The following UBE2W variants were observed in gnomAD, a reference collection of about 807,000 sequenced individuals.
The protein encoded by UBE2W is ubiquitin-conjugating enzyme E2 W.
Under a neutral mutation model 27.2 loss-of-function variants are expected in UBE2W, and 18 were observed. The ratio of observed to expected loss-of-function variants is 0.66; its 90% confidence interval spans 0.46 to 0.98. The LOEUF is 0.98. UBE2W is among the 50% of genes least tolerant of loss of function. The pLI is 0.00. For missense variants in UBE2W, 90 were observed against 180.2 expected (o/e 0.50, Z 2.87); for synonymous variants, 53 against 57.2 (o/e 0.93, Z 0.33).
intron 5 of UBE2W, among the ~76,000 whole-genome samples, chr8:73,801,719 A>C (rs1808653651): frequency 6.6e-6 from 1 of 152,214 alleles, no homozygotes; most frequent in Non-Finnish European, 1.5e-5. Flanking sequence ...AGGCATGAAG[A>C]AGCGGCTTAG....
chr8:73,875,844 G>A (rs1414882182), intron 1 of UBE2W, among the ~76,000 whole-genome samples: 3 of 152,106 alleles, frequency 2.0e-5, no homozygotes, highest in African/African-American at 7.2e-5. Context: ...GAGGTCAGGA[G>A]TTCAAGACCA....
At chr8:73,807,807 T>C (rs908842742) in intron 4 of UBE2W, among the ~76,000 whole-genome samples, 2 of 152,206 alleles carry the variant, frequency 1.3e-5, no homozygotes, top group Non-Finnish European at 2.9e-5. Context: ...GCTTAAATCA[T>C]TTATCTCCCT....
downstream of UBE2W, among the ~76,000 whole-genome samples, chr8:73,784,166 C>A (rs189627097): frequency 1.6e-3 from 237 of 152,274 alleles, no homozygotes; most frequent in Non-Finnish European, 2.7e-3. Flanking sequence ...CCCACCTTTA[C>A]CTGGCAAATA....
rs1811779371 is a variant in UBE2W, at chr8:73,866,473, A to G, written c.15+12335T>C. On this transcript the variant is annotated intron_variant, in intron 1 of 5. Coordinates refer to ENST00000602593, the MANE Select transcript of UBE2W (RefSeq NM_018299.6). ...ATGGACTCTCAGCTTGGTCCTATACAACTTCAAATGGAAAACAAGCTGCCA... is the reference window on the plus strand; with the variant it reads ...ATGGACTCTCAGCTTGGTCCTATACGACTTCAAATGGAAAACAAGCTGCCA... Among the ~76,000 whole-genome samples, 3 of 151,178 alleles carry G rather than the reference A, an allele frequency of 2.0e-5. No individual in the cohort carries two copies. In the South Asian group the frequency reaches 6.2e-4, roughly 31 times the overall value.
intron 1 of UBE2W, chr8:73,831,211 TG>T (rs1354973807): frequency 4.6e-6 from 2 of 432,022 alleles, no homozygotes; most frequent in African/African-American, 2.2e-5. Context: ...GAGAATCTGC[TG>T]GAAGACCTAG....
At chr8:73,838,642 G>A (rs1810407466) in intron 1 of UBE2W, among the ~76,000 whole-genome samples, 1 of 152,138 alleles carries the variant, frequency 6.6e-6, no homozygotes, top group Admixed American at 6.5e-5. Context: ...GCATGTGAAG[G>A]ATTATTCCTG....
chr8:73,825,745 G>A (rs185552026), intron 2 of UBE2W, among the ~76,000 whole-genome samples: 1 of 152,282 alleles, frequency 6.6e-6, no homozygotes, highest in African/African-American at 2.4e-5. Flanking sequence ...AGGTTGCAGT[G>A]AGCCAAGATC....
At position 73,792,836 on chromosome 8, in the gene UBE2W, T is replaced by C. The variant is rs1310947714; in HGVS notation, c.*1266A>G. On this transcript the variant is annotated 3_prime_UTR_variant, in exon 6 of 6. Coordinates refer to ENST00000602593, the MANE Select transcript of UBE2W (RefSeq NM_018299.6). ...TTTCATCTAGCTGTAAGCAAAGTCT[T>C]TTCAACAACAACAAAACAAAACCCT... is the stretch of plus-strand genomic sequence containing the variant. The C allele has an allele frequency of 2.0e-6, 2 of 985,456 alleles. No homozygotes were observed. Among genetic ancestry groups the C allele is most frequent in the Non-Finnish European group, 2.4e-6 (2 of 829,840 alleles). The allele number at this position is 985,456 out of a possible 1,614,324, so 61.0% of individuals were successfully genotyped here.
In UBE2W at chr8:73,788,519, T is replaced by C. The variant is rs1479698544; in HGVS notation, c.*5583A>G. The stretch of plus-strand genomic sequence containing the variant: ...ACCTGACCACCAATTTGCCTTTACA[T>C]AAACAATCTGTGGTTAACTATGAAA... On this transcript the variant is annotated 3_prime_UTR_variant, in exon 6 of 6. Coordinates refer to ENST00000602593, the MANE Select transcript of UBE2W (RefSeq NM_018299.6). 17 of 985,334 alleles carry C rather than the reference T, an allele frequency of 1.7e-5. No homozygotes were observed. Among genetic ancestry groups the C allele is most frequent in the Non-Finnish European group, 1.9e-5 (16 of 829,944 alleles). 61.0% of individuals were successfully genotyped at this position (985,334 alleles called of 1,614,324 possible). A position where few individuals can be genotyped will look rare whatever the true frequency, so the allele number is the denominator to read the frequency against.
chr8:73,813,308 T>G (rs1809251649), intron 3 of UBE2W, among the ~76,000 whole-genome samples: 1 of 152,120 alleles, frequency 6.6e-6, no homozygotes, highest in Non-Finnish European at 1.5e-5. Context: ...CAAAAGGTAC[T>G]CAGGAGAGAA....
intron 1 of UBE2W, among the ~76,000 whole-genome samples, chr8:73,841,594 G>A (rs1274312393): frequency 6.6e-6 from 1 of 152,124 alleles, no homozygotes; most frequent in Non-Finnish European, 1.5e-5. Context: ...AGTGGTAAGA[G>A]GAGAAAAACC....
rs1808169293 is a variant in UBE2W, at chr8:73,791,048, T to C, written c.*3054A>G. The C allele has an allele frequency of 1.0e-6, 1 of 984,512 alleles. No homozygotes were observed. Among genetic ancestry groups the C allele is most frequent in the African/African-American group, 1.7e-5 (1 of 57,222 alleles). The allele number at this position is 984,512 out of a possible 1,614,324, so 61.0% of individuals were successfully genotyped here. A position where few individuals can be genotyped will look rare whatever the true frequency, so the allele number is the denominator to read the frequency against. ...TAAGATCTTTCTCCAGGTGAACTGC[T>C]GACTATATAGAAGCTATTTCCAGCA... On this transcript the variant is annotated 3_prime_UTR_variant, in exon 6 of 6. Transcript: ENST00000602593.
In UBE2W at chr8:73,808,875, G is replaced by A. The variant is rs572361642; in HGVS notation, c.366+1599C>T. On this transcript the variant is annotated intron_variant, in intron 4 of 5. Transcript: ENST00000602593. The stretch of plus-strand genomic sequence containing the variant: ...TGGTGAGGGTTAGAGGAAGATGAAG[G>A]AAGTACACAGAATATAGTCATTCTC... Among the ~76,000 whole-genome samples the A allele has an allele frequency of 2.0e-5, 3 of 152,196 alleles. No homozygotes were observed. The South Asian group carries it at 6.2e-4, about 32-fold the overall frequency.
chr8:73,847,718 G>A (rs987437230), intron 1 of UBE2W, among the ~76,000 whole-genome samples: 3 of 151,352 alleles, frequency 2.0e-5, no homozygotes, highest in Admixed American at 6.6e-5. Flanking sequence ...CCTGGCCAAC[G>A]TGGTGAAATC....
chr8:73,784,544 T>C (rs756091383), downstream of UBE2W, among the ~76,000 whole-genome samples: 5 of 152,186 alleles, frequency 3.3e-5, no homozygotes, highest in Non-Finnish European at 5.9e-5. Flanking sequence ...GATAACTTTA[T>C]GTCCTAGGAA....
Position 73,858,552 on chromosome 8 carries a change from TAA to T in UBE2W, c.15+20254_15+20255del, listed in dbSNP as rs370812861. Among the ~76,000 whole-genome samples the T allele has an allele frequency of 1.6e-4, 25 of 151,826 alleles. No homozygotes were observed. The South Asian group carries it at 5.2e-3, about 31-fold the overall frequency. On this transcript the variant is annotated intron_variant, in intron 1 of 5. Coordinates refer to ENST00000602593, the MANE Select transcript of UBE2W (RefSeq NM_018299.6). ...ATTAAAACTACAGCAGCTGAATTTT[TAA>T]AAATTCAGTATATTAACTGTTGCCA...
intron 1 of UBE2W, among the ~76,000 whole-genome samples, chr8:73,877,869 C>T (rs1317014241): frequency 2.6e-5 from 4 of 152,180 alleles, no homozygotes; most frequent in African/African-American, 7.2e-5. Flanking sequence ...ACCCACAACT[C>T]CCTAGATTCG....
chr8:73,845,417 G>A (rs554550501), intron 1 of UBE2W, among the ~76,000 whole-genome samples: 196 of 152,156 alleles, frequency 1.3e-3, no homozygotes, highest in African/African-American at 4.5e-3. Flanking sequence ...CCCCAACCCC[G>A]TGCTCTCTGA....
rs1427179547 is a variant in UBE2W at position 73,791,564 on chromosome 8, A to G, written c.*2538T>C. 3.0e-6 allele frequency: 3 copies of G among 985,036 alleles called. No individual in the cohort carries two copies. The African/African-American group carries it at 5.2e-5, about 17-fold the overall frequency. The allele number at this position is 985,036 out of a possible 1,614,324, so 61.0% of individuals were successfully genotyped here. Reference sequence around the variant, plus strand: ...TTTCAACAATGCATTACAGAGAAATATTCTTTTTATTATTACAAGCCATTA... The same window carrying G: ...TTTCAACAATGCATTACAGAGAAATGTTCTTTTTATTATTACAAGCCATTA... On this transcript the variant is annotated 3_prime_UTR_variant, in exon 6 of 6. Transcript: ENST00000602593.
Sources: gnomAD v4.1 joint callset for allele counts (sites outside exome capture counted in the v4.1 genomes callset) on GRCh38, gnomAD v4.1.1 for gene constraint, MANE v1.5 for transcripts, NCBI Gene and HGNC (gene_info 2026-07-23, HGNC 2026-07-21) for gene names.